CDC40: variants seen among roughly 807,000 people sequenced by gnomAD.
The protein encoded by CDC40 is cell division cycle 40.
A neutral mutation model predicts 80.6 loss-of-function variants in CDC40; 27 were observed. That is an observed-to-expected ratio of 0.33 (90% CI 0.25 to 0.46). CDC40 has a LOEUF of 0.46. CDC40 is among the 20% of genes least tolerant of loss of function. CDC40 has a pLI of 1.00. For synonymous variants in CDC40, 221 were observed against 232.6 expected, an observed-to-expected ratio of 0.95 and a Z score of 0.45; for missense variants, 486 against 694.1, an observed-to-expected ratio of 0.70 and a Z score of 3.37.
At chr6:110,185,493 C>T (rs934422761) in intron 1 of CDC40, among the ~76,000 whole-genome samples, 3 of 152,024 alleles carry the variant, frequency 2.0e-5, no homozygotes, top group South Asian at 2.1e-4. Flanking sequence ...CCGCCCGCCT[C>T]GGCCTCCCAA....
At chr6:110,185,973 G>A (rs563109629) in intron 1 of CDC40, among the ~76,000 whole-genome samples, 16 of 152,256 alleles carry the variant, frequency 1.1e-4, no homozygotes, top group African/African-American at 3.6e-4. Flanking sequence ...CCCCTAGAAA[G>A]CACAGCACAT....
intron 12 of CDC40, among the ~76,000 whole-genome samples, chr6:110,222,956 G>A (rs918250963): frequency 1.3e-5 from 2 of 152,204 alleles, no homozygotes; most frequent in African/African-American, 4.8e-5. Context: ...AATCTTATAA[G>A]ATAGGTACAT....
chr6:110,222,077 A>T (rs568735587), intron 12 of CDC40, among the ~76,000 whole-genome samples: 9,877 of 151,946 alleles, frequency 0.065, 430 homozygotes, highest in African/African-American at 0.14. Context: ...GCAACATTGT[A>T]AAACCCCATC....
At chr6:110,205,725 T>A (rs768236367) in intron 3 of CDC40, among the ~76,000 whole-genome samples, 16 of 152,304 alleles carry the variant, frequency 1.1e-4, no homozygotes, top group Non-Finnish European at 2.4e-4. Context: ...AGACGTTAAG[T>A]CTCCTTTCAA....
At chr6:110,207,719 C>A in intron 4 of CDC40, 130 bp downstream of exon 4, 2 of 588,774 alleles carry the variant, frequency 3.4e-6, no homozygotes, top group Non-Finnish European at 6.1e-6. Context: ...AACAATGGAG[C>A]GATACAGTTT....
chr6:110,225,590 A>G (rs779345662), intron 12 of CDC40, among the ~76,000 whole-genome samples: 2 of 152,192 alleles, frequency 1.3e-5, no homozygotes, highest in Non-Finnish European at 2.9e-5. Flanking sequence ...ATCAGCTCAC[A>G]GATCCCTACA....
intron 1 of CDC40, among the ~76,000 whole-genome samples, chr6:110,191,651 C>T (rs967982428): frequency 3.3e-5 from 5 of 152,102 alleles, no homozygotes; most frequent in African/African-American, 7.2e-5. Context: ...AAGGAAATAA[C>T]GGTAAGTATA....
chr6:110,182,197 CCTAT>C (rs749019696), intron 1 of CDC40, among the ~76,000 whole-genome samples: 1 of 152,182 alleles, frequency 6.6e-6, no homozygotes, highest in African/African-American at 2.4e-5. Context: ...AACAGTAGTA[CCTAT>C]CTAACAGAAT....
intron 10 of CDC40, among the ~76,000 whole-genome samples, 190 bp downstream of exon 10, chr6:110,217,993 CTT>C (rs780678248): frequency 1.6e-4 from 24 of 152,282 alleles, no homozygotes; most frequent in Non-Finnish European, 2.1e-4. Flanking sequence ...CACTGTGAAA[CTT>C]GTTTCCACCA....
intron 9 of CDC40, among the ~76,000 whole-genome samples, 172 bp from the exon 10 acceptor site, chr6:110,217,530 C>T (rs1337642543): frequency 6.6e-6 from 1 of 151,180 alleles, no homozygotes; most frequent in African/African-American, 2.5e-5. Context: ...CATTCTGAAG[C>T]CCACACATAA....
intron 14 of CDC40, 123 bp from the exon 15 acceptor site, chr6:110,229,831 T>G: frequency 1.6e-6 from 1 of 618,062 alleles, no homozygotes; most frequent in Non-Finnish European, 2.8e-6. Context: ...ATTCTGAGTA[T>G]TGTATATTTG....
intron 12 of CDC40, among the ~76,000 whole-genome samples, 158 bp from the exon 13 acceptor site, chr6:110,226,004 CATCTT>C (rs1360212167): frequency 6.6e-6 from 1 of 152,196 alleles, no homozygotes; most frequent in African/African-American, 2.4e-5. Flanking sequence ...AGTACAGTGT[CATCTT>C]GTGATTTTTC....
At chr6:110,189,565 A>C (rs976505157) in intron 1 of CDC40, among the ~76,000 whole-genome samples, 3 of 152,074 alleles carry the variant, frequency 2.0e-5, no homozygotes, top group Admixed American at 6.5e-5. Context: ...TGTCATCTCT[A>C]TTTCATCCCA....
chr6:110,212,084 G>T, intron 6 of CDC40, 49 bp from the exon 7 acceptor site: 2 of 1,499,326 alleles, frequency 1.3e-6, no homozygotes, highest in South Asian at 2.3e-5. Context: ...TAGGTTTCAT[G>T]ACTATGGGTT....
intron 1 of CDC40, among the ~76,000 whole-genome samples, chr6:110,192,789 C>T (rs1777368294): frequency 6.6e-6 from 1 of 152,162 alleles, no homozygotes; most frequent in Admixed American, 6.5e-5. Flanking sequence ...CAGTACCCAA[C>T]CAAGTGCAAT....
At chr6:110,190,771 C>T (rs540906798) in intron 1 of CDC40, among the ~76,000 whole-genome samples, 78 of 152,152 alleles carry the variant, frequency 5.1e-4, no homozygotes, top group East Asian at 9.7e-4. Context: ...CCAGTGGGCA[C>T]GAGGCTGGTG....
At chr6:110,188,603 TC>T (rs1354271089) in intron 1 of CDC40, among the ~76,000 whole-genome samples, 10 of 152,274 alleles carry the variant, frequency 6.6e-5, no homozygotes, top group South Asian at 2.1e-4. Flanking sequence ...CTAATTCAGC[TC>T]CCTTTCAGCT....
At chr6:110,182,601 T>C (rs780460872) in intron 1 of CDC40, among the ~76,000 whole-genome samples, 9 of 152,232 alleles carry the variant, frequency 5.9e-5, no homozygotes, top group Non-Finnish European at 1.2e-4. Context: ...TTCTCTCACA[T>C]CAACTCCTTC....
chr6:110,230,527 GA>G lies in CDC40; in HGVS notation c.*398del, dbSNP rs1210945182. 1.2e-5 allele frequency: 2 copies of G among 166,258 alleles called. No individual in the cohort carries two copies. The highest frequency in any genetic ancestry group is 1.3e-5 in the Non-Finnish European group (1 of 79,178). The allele number at this position is 166,258 out of a possible 1,614,324, so 10.3% of individuals were successfully genotyped here. ...CCTCTTCAACCAAAAGGGCAGTAAAGAATAGGGATAATATATTTTAATGTAA... is the reference window on the plus strand; with the variant it reads ...CCTCTTCAACCAAAAGGGCAGTAAAGATAGGGATAATATATTTTAATGTAA... On this transcript the variant is annotated 3_prime_UTR_variant, in exon 15 of 15. Coordinates refer to ENST00000307731, the MANE Select transcript of CDC40 (RefSeq NM_015891.3).
Sources: allele counts gnomAD v4.1 joint callset (sites outside exome capture counted in the v4.1 genomes callset), GRCh38; gene constraint gnomAD v4.1.1; transcripts MANE v1.5; gene names NCBI Gene and HGNC (gene_info 2026-07-23, HGNC 2026-07-21).